The following RBFOX1 variants were observed in gnomAD, a reference collection of about 807,000 sequenced individuals.
The protein encoded by RBFOX1 is RNA binding protein fox-1 homolog 1.
In RBFOX1, 8 loss-of-function variants were observed where a neutral mutation model predicts 57.7. The ratio of observed to expected loss-of-function variants is 0.14; its 90% CI spans 0.08 to 0.25. The LOEUF is 0.25. RBFOX1 is among the 10% of genes least tolerant of loss of function. The pLI, the probability that RBFOX1 is intolerant of heterozygous loss-of-function variation, is 1.00. For missense variants in RBFOX1, 611 were observed against 548.5 expected, an observed-to-expected ratio of 1.11 and a Z score of -1.14; for synonymous variants, 326 against 222.4, an observed-to-expected ratio of 1.47 and a Z score of -4.15.
chr16:5,884,919 T>C (rs1194815558), intron 4 of RBFOX1, among the ~76,000 whole-genome samples: 1 of 152,156 alleles, frequency 6.6e-6, no homozygotes, highest in East Asian at 1.9e-4. Context: ...CAGAATCTCT[T>C]TAGACTCTCC....
chr16:6,164,103 C>G (rs1597952984), intron 1 of RBFOX1, among the ~76,000 whole-genome samples: 1 of 152,186 alleles, frequency 6.6e-6, no homozygotes, highest in Non-Finnish European at 1.5e-5. Context: ...TCAATGTTGC[C>G]TCTTTTGTTG....
At chr16:5,882,978 G>C (rs2057800541) in intron 4 of RBFOX1, among the ~76,000 whole-genome samples, 1 of 152,098 alleles carries the variant, frequency 6.6e-6, no homozygotes, top group African/African-American at 2.4e-5. Flanking sequence ...TTGGCATTTT[G>C]TTTTCTTTAG....
chr16:6,021,958 C>G (rs528139878), intron 1 of RBFOX1, among the ~76,000 whole-genome samples: 1 of 152,148 alleles, frequency 6.6e-6, no homozygotes, highest in East Asian at 1.9e-4. Flanking sequence ...AATTTTTGAG[C>G]CTTGTAGCAC....
At chr16:7,189,269 C>CA (rs977666435) in intron 4 of RBFOX1, among the ~76,000 whole-genome samples, 14 of 151,262 alleles carry the variant, frequency 9.3e-5, no homozygotes, top group Admixed American at 2.0e-4. Flanking sequence ...ACTAAAAATA[C>CA]AAAAAAATTA....
chr16:6,613,056 T>G (rs2098089400), intron 2 of RBFOX1, among the ~76,000 whole-genome samples: 1 of 150,374 alleles, frequency 6.7e-6, no homozygotes, highest in Non-Finnish European at 1.5e-5. Flanking sequence ...TGTGTGTGTG[T>G]GTTTTGGAAT....
chr16:5,555,069 G>A (rs937129943), intron 2 of RBFOX1, among the ~76,000 whole-genome samples: 14 of 152,082 alleles, frequency 9.2e-5, no homozygotes, highest in African/African-American at 2.7e-4. Flanking sequence ...ATTAATAAAT[G>A]TACTCTTTTG....
At chr16:6,615,586 C>T (rs1354737749) in intron 2 of RBFOX1, among the ~76,000 whole-genome samples, 1 of 151,986 alleles carries the variant, frequency 6.6e-6, no homozygotes, top group Admixed American at 6.6e-5. Flanking sequence ...AAAAAAAATC[C>T]TCTGTCCCAA....
chr16:5,689,220 G>C (rs996825840), intron 3 of RBFOX1, among the ~76,000 whole-genome samples: 12 of 152,288 alleles, frequency 7.9e-5, no homozygotes, highest in Middle Eastern at 3.4e-3. Context: ...ATTAAGGATT[G>C]CTTATCAGCT....
intron 3 of RBFOX1, among the ~76,000 whole-genome samples, chr16:6,764,074 C>T (rs945711487): frequency 1.3e-5 from 2 of 152,164 alleles, no homozygotes; most frequent in Non-Finnish European, 2.9e-5. Flanking sequence ...ATTAATCACT[C>T]ATAACGTGAT....
intron 3 of RBFOX1, among the ~76,000 whole-genome samples, chr16:5,778,317 C>G (rs185831061): frequency 2.2e-4 from 33 of 152,256 alleles, no homozygotes; most frequent in African/African-American, 7.2e-4. Flanking sequence ...TCCATGATCT[C>G]ATCTGATTTC....
At chr16:7,370,119 G>C (rs1334004609) in intron 4 of RBFOX1, among the ~76,000 whole-genome samples, 3 of 152,196 alleles carry the variant, frequency 2.0e-5, no homozygotes, top group South Asian at 2.1e-4. Context: ...CCTGTGTACT[G>C]TAGGACAATT....
intron 2 of RBFOX1, among the ~76,000 whole-genome samples, chr16:6,374,130 C>T (rs1177246152): frequency 1.3e-5 from 2 of 152,220 alleles, no homozygotes; most frequent in African/African-American, 4.8e-5. Flanking sequence ...GTTTCTTCAA[C>T]ACTGAGTGTG....
intron 5 of RBFOX1, among the ~76,000 whole-genome samples, chr16:7,527,380 A>G (rs1158049461): frequency 6.6e-6 from 1 of 152,142 alleles, no homozygotes; most frequent in Non-Finnish European, 1.5e-5. Context: ...TGGAGAGCCA[A>G]AATGAATGAT....
At chr16:5,815,636 G>T (rs552622362) in intron 3 of RBFOX1, among the ~76,000 whole-genome samples, 3 of 152,182 alleles carry the variant, frequency 2.0e-5, no homozygotes, top group Admixed American at 2.0e-4. Context: ...CAGAGGCAGA[G>T]AGAATCATTT....
chr16:7,575,805 C>G (rs1224815142), intron 5 of RBFOX1, among the ~76,000 whole-genome samples: 1 of 152,190 alleles, frequency 6.6e-6, no homozygotes, highest in Non-Finnish European at 1.5e-5. Context: ...GAAAAGAGAT[C>G]ACACTCAGTG....
chr16:6,179,329 G>A (rs548697809), intron 1 of RBFOX1, among the ~76,000 whole-genome samples: 1 of 152,172 alleles, frequency 6.6e-6, no homozygotes, highest in Non-Finnish European at 1.5e-5. Context: ...CTGGATCTCA[G>A]TTCTCTCTCC....
chr16:6,342,015 G>A (rs985548330), intron 2 of RBFOX1, among the ~76,000 whole-genome samples: 2 of 152,172 alleles, frequency 1.3e-5, no homozygotes, highest in Admixed American at 1.3e-4. Context: ...AATACTTACA[G>A]GTTCCAGGAA....
At chr16:6,820,164 C>A (rs1399536337) in intron 3 of RBFOX1, among the ~76,000 whole-genome samples, 1 of 152,174 alleles carries the variant, frequency 6.6e-6, no homozygotes, top group African/African-American at 2.4e-5. Flanking sequence ...CCATATAAGA[C>A]ATACCTTTGC....
At chr16:6,300,365 A>G (rs1014762977) in intron 1 of RBFOX1, among the ~76,000 whole-genome samples, 1 of 152,232 alleles carries the variant, frequency 6.6e-6, no homozygotes, top group Admixed American at 6.5e-5. Flanking sequence ...ACACATGTTA[A>G]TTAGCTTGAT....
Sources: gnomAD v4.1 joint callset for allele counts (sites outside exome capture counted in the v4.1 genomes callset) on GRCh38, gnomAD v4.1.1 for gene constraint, MANE v1.5 for transcripts, NCBI Gene and HGNC (gene_info 2026-07-23, HGNC 2026-07-21) for gene names.